TTLL11: variants seen among roughly 807,000 people sequenced by gnomAD.
The protein encoded by TTLL11 is tubulin polyglutamylase TTLL11.
A neutral mutation model predicts 51.7 loss-of-function variants in TTLL11; 42 were observed. That is an observed-to-expected ratio of 0.81 (90% CI 0.64 to 1.05). The LOEUF is 1.05. Among genes scored for constraint, TTLL11 ranks in the 50% least tolerant of loss-of-function variants. The pLI, the probability that TTLL11 is intolerant of heterozygous loss-of-function variation, is 0.00. For missense variants in TTLL11, 799 were observed against 940.4 expected (o/e 0.85, Z 1.97); for synonymous variants, 381 against 383.5 (o/e 0.99, Z 0.08).
intron 8 of TTLL11, among the ~76,000 whole-genome samples, chr9:121,824,831 C>T (rs1212140138): frequency 2.6e-5 from 4 of 152,130 alleles, no homozygotes; most frequent in Non-Finnish European, 1.5e-5. Flanking sequence ...CTGCTTCTGG[C>T]ACTGGGGGCA....
At chr9:121,934,820 T>TA (rs1564313598) in intron 6 of TTLL11, among the ~76,000 whole-genome samples, 1 of 152,158 alleles carries the variant, frequency 6.6e-6, no homozygotes, top group South Asian at 2.1e-4. Flanking sequence ...AGATTTAATT[T>TA]AAAAAAAGGT....
At chr9:122,031,892 G>T (rs1844562701) in intron 2 of TTLL11, 36 bp from the exon 3 acceptor site, 1 of 1,598,438 alleles carries the variant, frequency 6.3e-7, no homozygotes, top group Non-Finnish European at 8.6e-7. Context: ...TTTAACAACA[G>T]TGGGCTACTA....
At chr9:121,955,808 T>A (rs188121347) in intron 6 of TTLL11, among the ~76,000 whole-genome samples, 2 of 152,324 alleles carry the variant, frequency 1.3e-5, no homozygotes, top group South Asian at 2.1e-4. Context: ...TTCTCTATGG[T>A]CTGGAACAAA....
intron 6 of TTLL11, among the ~76,000 whole-genome samples, chr9:121,936,692 A>G (rs1030602582): frequency 2.0e-5 from 3 of 152,258 alleles, no homozygotes; most frequent in Non-Finnish European, 2.9e-5. Context: ...AGCTTAACGA[A>G]AAAAGCTAAA....
At chr9:121,837,904 G>GGTCTTCCC (rs1837225260) in intron 8 of TTLL11, among the ~76,000 whole-genome samples, 1 of 152,116 alleles carries the variant, frequency 6.6e-6, no homozygotes, top group Non-Finnish European at 1.5e-5. Flanking sequence ...CTGGAGACAC[G>GGTCTTCCC]GTCTTCCCAC....
chr9:121,919,796 G>C (rs531156445), intron 6 of TTLL11, among the ~76,000 whole-genome samples: 1 of 144,468 alleles, frequency 6.9e-6, no homozygotes, highest in Non-Finnish European at 1.5e-5. Flanking sequence ...AGGATCACTT[G>C]AGGCCAGGAG....
intron 8 of TTLL11, among the ~76,000 whole-genome samples, chr9:121,852,614 GGAT>G (rs1837696197): frequency 6.6e-6 from 1 of 152,156 alleles, no homozygotes; most frequent in Non-Finnish European, 1.5e-5. Context: ...AGGTGACTGA[GGAT>G]GAGGAAGGAC....
At position 121,974,001 on chromosome 9, in the gene TTLL11, GTACT is replaced by G. The variant is rs1564335488; in HGVS notation, c.1481+4_1481+7del. The stretch of plus-strand genomic sequence containing the variant: ...TGATAGAAATGAATGACATAAAAAA[GTACT>G]TACTGATTCTCTCTTTTCTTCTTAA... On this transcript the variant is annotated splice_donor_5th_base_variant and intron_variant, in intron 6 of 8. Transcript: ENST00000321582. 2 of 1,548,178 alleles carry G rather than the reference GTACT, an allele frequency of 1.3e-6. No homozygotes were observed. Among genetic ancestry groups the G allele is most frequent in the African/African-American group, 2.7e-5 (2 of 72,984 alleles).
In TTLL11 at chr9:122,088,085, C is replaced by T. The variant is rs114905822; in HGVS notation, c.462+4602G>A. 1.9e-3 allele frequency among the ~76,000 whole-genome samples: 282 copies of T among 152,224 alleles called. 1 individual carries two copies. Among genetic ancestry groups the T allele is most frequent in the African/African-American group, 6.6e-3 (273 of 41,540 alleles). On this transcript the variant is annotated intron_variant, in intron 1 of 8. Transcript: ENST00000321582. ...CTGAAGGAGAGTGGGCAAGGGAGGC[C>T]GGGTCTATATATGGCAAGCAATCTG...
chr9:122,061,850 C>T (rs1845442039), intron 1 of TTLL11, among the ~76,000 whole-genome samples: 1 of 152,260 alleles, frequency 6.6e-6, no homozygotes, highest in South Asian at 2.1e-4. Flanking sequence ...ATTGGCCAGG[C>T]TGGTCTTGAA....
intron 6 of TTLL11, among the ~76,000 whole-genome samples, chr9:121,899,378 C>CATATATATATATATATATACAT (rs1554766927): frequency 7.7e-6 from 1 of 130,464 alleles, no homozygotes; most frequent in African/African-American, 2.9e-5. Flanking sequence ...TATATATATA[C>CATATATATATATATATATACAT]ATATATATAT....
intron 8 of TTLL11, among the ~76,000 whole-genome samples, chr9:121,828,173 C>CTTT (rs10708592): frequency 7.3e-6 from 1 of 137,324 alleles, no homozygotes; most frequent in African/African-American, 2.7e-5. Context: ...ACACATTGAA[C>CTTT]TTTTTTTTTT....
At chr9:122,054,639 A>C (rs910366842) in intron 1 of TTLL11, among the ~76,000 whole-genome samples, 1 of 152,222 alleles carries the variant, frequency 6.6e-6, no homozygotes, top group Non-Finnish European at 1.5e-5. Flanking sequence ...CCATTCCAAC[A>C]TAATTCAGCC....
At chr9:122,076,040 T>G (rs527913439) in intron 1 of TTLL11, among the ~76,000 whole-genome samples, 4 of 152,276 alleles carry the variant, frequency 2.6e-5, no homozygotes, top group African/African-American at 9.6e-5. Flanking sequence ...GACTCAGAGA[T>G]GAAAAACAAC....
intron 8 of TTLL11, among the ~76,000 whole-genome samples, chr9:121,830,117 C>G (rs560020614): frequency 2.6e-5 from 4 of 152,324 alleles, no homozygotes; most frequent in Non-Finnish European, 5.9e-5. Flanking sequence ...AACCTTGTAA[C>G]AGTCGTGTGA....
At chr9:122,014,202 T>C (rs1843898932) in intron 3 of TTLL11, among the ~76,000 whole-genome samples, 1 of 151,938 alleles carries the variant, frequency 6.6e-6, no homozygotes, top group Non-Finnish European at 1.5e-5. Flanking sequence ...CTGTCTCTAC[T>C]AAAAATACAA....
At chr9:122,089,050 G>A (rs1044242233) in intron 1 of TTLL11, among the ~76,000 whole-genome samples, 9 of 150,768 alleles carry the variant, frequency 6.0e-5, no homozygotes, top group East Asian at 1.9e-4. Flanking sequence ...AAAAGGAAGC[G>A]AGATTGTGTG....
At position 121,819,618 on chromosome 9, in the gene TTLL11, G is replaced by T. The variant is rs566136189; in HGVS notation, c.*2969C>A. ...CGTCAGGAGGAGCGGGAAGGGGCAA[G>T]AGAGCGGGAGGGAGAAGACGCTGGA... On this transcript the variant is annotated 3_prime_UTR_variant, in exon 9 of 9. Coordinates refer to ENST00000321582, the MANE Select transcript of TTLL11 (RefSeq NM_001139442.2). 2.0e-5 allele frequency among the ~76,000 whole-genome samples: 3 copies of T among 152,320 alleles called. No individual in the cohort carries two copies. Among genetic ancestry groups the T allele is most frequent in the African/African-American group, 7.2e-5 (3 of 41,574 alleles).
intron 6 of TTLL11, among the ~76,000 whole-genome samples, chr9:121,914,208 A>G (rs1184919176): frequency 1.3e-5 from 2 of 152,234 alleles, no homozygotes; most frequent in African/African-American, 4.8e-5. Context: ...TTTTATTGGA[A>G]CACAGGCACA....
Sources: allele counts gnomAD v4.1 joint callset (sites outside exome capture counted in the v4.1 genomes callset), GRCh38; gene constraint gnomAD v4.1.1; transcripts MANE v1.5; gene names NCBI Gene and HGNC (gene_info 2026-07-23, HGNC 2026-07-21).